Variants in MLXIP observed in about 807,000 individuals in gnomAD.
MLXIP encodes the protein MLX interacting protein.
In MLXIP, 30 loss-of-function variants were observed where a neutral mutation model predicts 87.2. The ratio of observed to expected loss-of-function variants is 0.34; its 90% CI spans 0.26 to 0.47. The LOEUF (loss-of-function observed/expected upper bound fraction) is 0.47. Among genes scored for constraint, MLXIP ranks in the 20% least tolerant of loss-of-function variants. The pLI, the probability that MLXIP is intolerant of heterozygous loss-of-function variation, is 1.00. For missense variants in MLXIP, 1,002 were observed against 1,240.1 expected (o/e 0.81, Z 2.88); for synonymous variants, 530 against 514.0 (o/e 1.03, Z -0.42).
At chr12:122,093,766 GT>G (rs1219699286) in intron 1 of MLXIP, among the ~76,000 whole-genome samples, 6 of 145,182 alleles carry the variant, frequency 4.1e-5, no homozygotes, top group African/African-American at 1.3e-4. Context: ...TGTAGTGTGT[GT>G]GTGGTGTGTG....
chr12:122,132,224 G>A, intron 7 of MLXIP, 68 bp from the exon 8 acceptor site: 1 of 1,307,122 alleles, frequency 7.7e-7, no homozygotes, highest in Non-Finnish European at 1.1e-6. Flanking sequence ...GCCTGGCCCT[G>A]TTTGAGTCTT....
At chr12:122,107,830 C>T (rs952275144) in intron 1 of MLXIP, among the ~76,000 whole-genome samples, 2 of 152,060 alleles carry the variant, frequency 1.3e-5, no homozygotes, top group Admixed American at 6.6e-5. Flanking sequence ...TGTCCTCCCC[C>T]AGCTCTCCTG....
rs1413576475 is a variant in MLXIP at position 122,081,742 on chromosome 12, C to T, written c.413+2476C>T. Among the ~76,000 whole-genome samples, 5 of 152,182 alleles carry T rather than the reference C, an allele frequency of 3.3e-5. No homozygotes were observed. In the East Asian group the frequency reaches 7.7e-4, roughly 23 times the overall value. On this transcript the variant is annotated intron_variant, in intron 1 of 16. Transcript: ENST00000319080. The stretch of plus-strand genomic sequence containing the variant: ...ACCTCAGAGCCTGTCTGGCTTCCAT[C>T]CTGGTGGGGTTCATGCCTTCCCTGC...
Position 122,134,020 on chromosome 12 carries a change from C to T in MLXIP, c.1732+33C>T, listed in dbSNP as rs760373572. ...AGGCGGGGAGACTCAGTGCGGGGCT[C>T]CCCCCGACCCAGAGGGATGTTTTCC... is the stretch of plus-strand genomic sequence containing the variant. On this transcript the variant is annotated intron_variant, in intron 9 of 16. Coordinates refer to ENST00000319080, the MANE Select transcript of MLXIP (RefSeq NM_014938.6). 1.0e-5 allele frequency: 16 copies of T among 1,546,512 alleles called. No homozygotes were observed. In the East Asian group the frequency reaches 3.5e-4, roughly 34 times the overall value.
At chr12:122,118,083 G>A (rs893903331) in intron 1 of MLXIP, among the ~76,000 whole-genome samples, 18 of 152,098 alleles carry the variant, frequency 1.2e-4, no homozygotes, top group African/African-American at 4.3e-4. Context: ...CTGAACATAA[G>A]CACTGTGATA....
rs1953079489 is a variant in MLXIP, at chr12:122,135,737, G to T, written c.2032+71G>T. The T allele has an allele frequency of 1.4e-6, 2 of 1,431,164 alleles. No individual in the cohort carries two copies. Among genetic ancestry groups the T allele is most frequent in the Non-Finnish European group, 1.8e-6 (2 of 1,094,954 alleles). 88.7% of individuals were successfully genotyped at this position (1,431,164 alleles called of 1,614,324 possible). A position where few individuals can be genotyped will look rare whatever the true frequency, so the allele number is the denominator to read the frequency against. The stretch of plus-strand genomic sequence containing the variant: ...AACTGGGCCTGCCGTAGACCATGGG[G>T]GGTGCTTGCTGGGTCCCCAGGACGG... On this transcript the variant is annotated intron_variant, in intron 11 of 16. Transcript: ENST00000319080. The surrounding 1 kb of genome is among the most constrained non-coding windows in gnomAD (Gnocchi z 5.3).
chr12:122,099,293 A>G (rs1952401143), intron 1 of MLXIP, among the ~76,000 whole-genome samples: 1 of 151,976 alleles, frequency 6.6e-6, no homozygotes, highest in South Asian at 2.1e-4. Context: ...AAACACAAAA[A>G]CCAAACTATT....
intron 16 of MLXIP, 134 bp from the exon 17 acceptor site, chr12:122,141,557 C>T: frequency 1.4e-6 from 2 of 1,387,082 alleles, no homozygotes; most frequent in Non-Finnish European, 9.5e-7. Flanking sequence ...CCTGGCACTC[C>T]TCCCTGCAGT....
At chr12:122,096,474 C>T (rs1057031093) in intron 1 of MLXIP, among the ~76,000 whole-genome samples, 2 of 152,184 alleles carry the variant, frequency 1.3e-5, no homozygotes, top group African/African-American at 2.4e-5. Flanking sequence ...CCCTGGGAAG[C>T]TTTCAAGTCT....
At position 122,135,316 on chromosome 12, in the gene MLXIP, G is replaced by A. The variant is rs773368601; in HGVS notation, c.1825G>A (p.Val609Met). ...GGCCTCCACCGTGTCCCAGTCCAAC[G>A]TGGTCATTGCGCCTGCTGCCATCGC... The part of the protein sequence containing the change: ...MLASTVSQSN[V>M]VIAPAAIARA... The change falls in exon 10 of 17, where the codon GTG (valine) becomes ATG (methionine). Residue 609 changes from valine (V) to methionine (M), a missense_variant. Transcript: ENST00000319080. The surrounding 1 kb of genome is among the most constrained non-coding windows in gnomAD (Gnocchi z 5.3). 5.1e-5 allele frequency: 83 copies of A among 1,613,594 alleles called. No individual in the cohort carries two copies. Among genetic ancestry groups the A allele is most frequent in the Non-Finnish European group, 6.5e-5 (77 of 1,179,884 alleles).
At position 122,135,873 on chromosome 12, in the gene MLXIP, A is replaced by G. The variant is rs1028874089; in HGVS notation, c.2032+207A>G. ...ATGTGGTGGCACTGGCAGGGCAAAA[A>G]GTAGTGAACATGTGGCAGTGTAGGT... On this transcript the variant is annotated intron_variant, in intron 11 of 16. Coordinates refer to ENST00000319080, the MANE Select transcript of MLXIP (RefSeq NM_014938.6). The surrounding 1 kb of genome is among the most constrained non-coding windows in gnomAD (Gnocchi z 5.3). 17 of 614,346 alleles carry G rather than the reference A, an allele frequency of 2.8e-5. No homozygotes were observed. Among genetic ancestry groups the G allele is most frequent in the Non-Finnish European group, 4.3e-5 (16 of 376,254 alleles). The allele number at this position is 614,346 out of a possible 1,614,324, so 38.1% of individuals were successfully genotyped here.
Position 122,138,522 on chromosome 12 carries a change from G to A in MLXIP, c.2355G>A (p.Glu785=), listed in dbSNP as rs1459087960. 1.2e-6 allele frequency: 2 copies of A among 1,613,286 alleles called. No homozygotes were observed. The highest frequency in any genetic ancestry group is 1.1e-5 in the South Asian group (1 of 90,986). The stretch of plus-strand genomic sequence containing the variant: ...AGGAGGAGGCCCGGCGGCTGCGGGA[G>A]GAGATCGAGGAGCTCAATGCCACCA... ...QMQEEARRLR[E]EIEELNATII... The change falls in exon 14 of 17, where the codon GAG becomes GAA. Residue 785 remains glutamate, a synonymous_variant. Transcript: ENST00000319080.
intron 15 of MLXIP, among the ~76,000 whole-genome samples, chr12:122,139,382 G>A (rs576622090): frequency 6.6e-6 from 1 of 152,208 alleles, no homozygotes; most frequent in Non-Finnish European, 1.5e-5. Flanking sequence ...GAAGCCTAAT[G>A]GAGCATGTCC....
At chr12:122,084,705 C>T (rs145378846) in intron 1 of MLXIP, among the ~76,000 whole-genome samples, 63,013 of 151,886 alleles carry the variant, frequency 0.41, 13,639 homozygotes, top group Middle Eastern at 0.62. Flanking sequence ...CATCACCATG[C>T]CCAGCTAAGT....
rs1952946966 is a variant in MLXIP at position 122,129,949 on chromosome 12, C to T, written c.747C>T (p.Asp249=). The change falls in exon 6 of 17, where the codon GAC becomes GAT. Residue 249 remains aspartate, a synonymous_variant. Transcript: ENST00000319080. ...TGTTGGTGTTGTGTTAGGACGATGA[C>T]ATGCTGTATTGGCACAAGCACGGGG... ...EDLSSLVQDD[D]MLYWHKHGDG... is the part of the protein sequence containing the mutation. 1 of 1,612,330 alleles carries T rather than the reference C, an allele frequency of 6.2e-7. No individual in the cohort carries two copies. Among genetic ancestry groups the T allele is most frequent in the African/African-American group, 1.3e-5 (1 of 74,904 alleles).
intron 1 of MLXIP, among the ~76,000 whole-genome samples, chr12:122,113,951 C>T (rs895252373): frequency 2.0e-5 from 3 of 149,216 alleles, no homozygotes; most frequent in Admixed American, 6.7e-5. Flanking sequence ...TCCCAAAGTG[C>T]TGGGATTACA....
chr12:122,097,083 T>A (rs1952364550), intron 1 of MLXIP, among the ~76,000 whole-genome samples: 1 of 152,228 alleles, frequency 6.6e-6, no homozygotes, highest in Non-Finnish European at 1.5e-5. Flanking sequence ...GGTGCTTCCG[T>A]GGGCCTGTCT....
At chr12:122,109,395 G>A (rs896403733) in intron 1 of MLXIP, among the ~76,000 whole-genome samples, 3 of 152,192 alleles carry the variant, frequency 2.0e-5, no homozygotes, top group African/African-American at 7.2e-5. Flanking sequence ...GTAGTGATGG[G>A]GTTTTGCCAT....
chr12:122,101,154 T>G (rs550201719), intron 1 of MLXIP, among the ~76,000 whole-genome samples: 1 of 152,216 alleles, frequency 6.6e-6, no homozygotes, highest in Non-Finnish European at 1.5e-5. Flanking sequence ...GGACATTCAC[T>G]TCTTCCCCTT....
Sources: gnomAD v4.1 joint callset for allele counts (sites outside exome capture counted in the v4.1 genomes callset) on GRCh38, gnomAD v4.1.1 for gene constraint, Gnocchi (gnomAD v3.1) non-coding constraint, MANE v1.5 for transcripts, NCBI Gene and HGNC (gene_info 2026-07-23, HGNC 2026-07-21) for gene names.